Variants in KIAA0825 observed in about 807,000 individuals in gnomAD.
KIAA0825 encodes KIAA0825, also known as uncharacterized protein KIAA0825.
A neutral mutation model predicts 147.6 loss-of-function variants in KIAA0825; 119 were observed. That is an observed-to-expected ratio of 0.81 (90% CI 0.69 to 0.94). The LOEUF is 0.94. KIAA0825 is among the 40% of genes least tolerant of loss of function. KIAA0825 has a pLI of 0.00. For synonymous variants in KIAA0825, 470 were observed against 518.1 expected, an observed-to-expected ratio of 0.91 and a Z score of 1.26; for missense variants, 1,381 against 1,472.7, an observed-to-expected ratio of 0.94 and a Z score of 1.02.
chr5:94,383,002 G>C (rs1748618825), intron 20 of KIAA0825, among the ~76,000 whole-genome samples: 1 of 152,150 alleles, frequency 6.6e-6, no homozygotes, highest in Non-Finnish European at 1.5e-5. Flanking sequence ...TTTCCAGACA[G>C]ACATTTAATA....
At chr5:94,174,103 C>T (rs1768878384) in intron 20 of KIAA0825, among the ~76,000 whole-genome samples, 1 of 152,122 alleles carries the variant, frequency 6.6e-6, no homozygotes, top group African/African-American at 2.4e-5. Context: ...ATGAAATCAC[C>T]ACTGCACTGT....
intron 3 of KIAA0825, among the ~76,000 whole-genome samples, chr5:94,524,655 T>G (rs1273426375): frequency 6.6e-6 from 1 of 151,534 alleles, no homozygotes; most frequent in African/African-American, 2.4e-5. Flanking sequence ...AAACAAAAAT[T>G]ACTAAAAATT....
At chr5:94,546,428 T>C (rs1200569296) in intron 2 of KIAA0825, among the ~76,000 whole-genome samples, 2 of 152,042 alleles carry the variant, frequency 1.3e-5, no homozygotes, top group Non-Finnish European at 2.9e-5. Context: ...AGCGCTGTGC[T>C]GGCTTCAGGT....
intron 20 of KIAA0825, among the ~76,000 whole-genome samples, chr5:94,162,816 A>G (rs1338341609): frequency 6.6e-6 from 1 of 152,184 alleles, no homozygotes; most frequent in Non-Finnish European, 1.5e-5. Context: ...GTACACTGTA[A>G]TCTGTACCTT....
intron 3 of KIAA0825, among the ~76,000 whole-genome samples, chr5:94,532,271 C>A (rs2151301726): frequency 6.6e-6 from 1 of 152,296 alleles, no homozygotes; most frequent in East Asian, 1.9e-4. Context: ...CCTCAGCACC[C>A]CAAGTAGCTA....
chr5:94,270,074 T>A (rs1776914748), intron 20 of KIAA0825, among the ~76,000 whole-genome samples: 1 of 151,984 alleles, frequency 6.6e-6, no homozygotes, highest in Admixed American at 6.6e-5. Context: ...TAGACACATA[T>A]AACCTACCAA....
At chr5:94,326,561 T>C (rs1197628005) in intron 20 of KIAA0825, among the ~76,000 whole-genome samples, 1 of 152,186 alleles carries the variant, frequency 6.6e-6, no homozygotes, top group African/African-American at 2.4e-5. Context: ...AACATCAATG[T>C]CAGATATGTG....
intron 2 of KIAA0825, among the ~76,000 whole-genome samples, chr5:94,565,095 CTTTTTTT>C (rs1176429699): frequency 3.8e-5 from 2 of 52,936 alleles, no homozygotes; most frequent in African/African-American, 7.8e-5. Flanking sequence ...TCTTGCTTTC[CTTTTTTT>C]TTTTTTTTTT....
At chr5:94,511,439 G>A (rs1766458583) in intron 5 of KIAA0825, among the ~76,000 whole-genome samples, 1 of 152,126 alleles carries the variant, frequency 6.6e-6, no homozygotes, top group Non-Finnish European at 1.5e-5. Context: ...TGACCAACAT[G>A]GGGAAACCCC....
intron 1 of KIAA0825, 100 bp from the exon 2 acceptor site, chr5:94,582,683 T>A (rs1024728192): frequency 6.6e-6 from 1 of 152,080 alleles, no homozygotes; most frequent in Non-Finnish European, 1.5e-5. Flanking sequence ...TACCATTAAA[T>A]CATAACATAT....
At chr5:94,469,871 G>A (rs1761006093) in intron 10 of KIAA0825, 90 bp downstream of exon 10, 12 of 1,048,792 alleles carry the variant, frequency 1.1e-5, no homozygotes, top group Non-Finnish European at 1.6e-5. Context: ...TATTAGTAAT[G>A]CCAAGCTCAT....
chr5:94,291,791 G>T (rs1777908099), intron 20 of KIAA0825, among the ~76,000 whole-genome samples: 1 of 152,038 alleles, frequency 6.6e-6, no homozygotes, highest in South Asian at 2.1e-4. Flanking sequence ...ATTTCCTTTA[G>T]CAGTGGTTTG....
intron 5 of KIAA0825, among the ~76,000 whole-genome samples, chr5:94,517,421 TAGAC>T (rs921119157): frequency 1.3e-5 from 2 of 152,076 alleles, no homozygotes; most frequent in Admixed American, 6.6e-5. Flanking sequence ...GATAGATAGA[TAGAC>T]AGATAGATGA....
At chr5:94,178,097 A>C (rs374748096) in intron 20 of KIAA0825, among the ~76,000 whole-genome samples, 51 of 152,170 alleles carry the variant, frequency 3.4e-4, no homozygotes, top group East Asian at 1.2e-3. Context: ...TATTCATATA[A>C]GATTTTCCTA....
chr5:94,293,921 A>G (rs1778020924), intron 20 of KIAA0825, among the ~76,000 whole-genome samples: 1 of 151,866 alleles, frequency 6.6e-6, no homozygotes, highest in Non-Finnish European at 1.5e-5. Context: ...TTTTTCAGAG[A>G]TTAAGATTGT....
At chr5:94,313,914 C>T (rs1779408061) in intron 20 of KIAA0825, among the ~76,000 whole-genome samples, 1 of 151,544 alleles carries the variant, frequency 6.6e-6, no homozygotes, top group South Asian at 2.1e-4. Flanking sequence ...CACATGGCTA[C>T]AAAGTCAGTA....
chr5:94,533,496 C>T (rs931550431), intron 3 of KIAA0825, among the ~76,000 whole-genome samples: 12 of 151,594 alleles, frequency 7.9e-5, no homozygotes, highest in South Asian at 2.1e-4. Context: ...AGGCTGGTCT[C>T]GAACTCCTGA....
At chr5:94,580,401 T>C (rs981946491) in intron 2 of KIAA0825, among the ~76,000 whole-genome samples, 129 of 152,296 alleles carry the variant, frequency 8.5e-4, no homozygotes, top group African/African-American at 3.0e-3. Context: ...TTTTCTAAAT[T>C]AAAACTAGAT....
At chr5:94,488,125 T>C (rs1266525699) in intron 5 of KIAA0825, among the ~76,000 whole-genome samples, 2 of 152,192 alleles carry the variant, frequency 1.3e-5, no homozygotes, top group Non-Finnish European at 2.9e-5. Flanking sequence ...TATTTCTCCA[T>C]GTTGCCCAGG....
Sources: allele counts gnomAD v4.1 joint callset (sites outside exome capture counted in the v4.1 genomes callset), GRCh38; gene constraint gnomAD v4.1.1; transcripts MANE v1.5; gene names NCBI Gene and HGNC (gene_info 2026-07-23, HGNC 2026-07-21).